Variants in FAM151A observed in about 807,000 individuals in gnomAD.
FAM151A encodes the protein protein FAM151A.
FAM151A carries 41 observed loss-of-function variants against 40.4 expected under a neutral mutation model. The observed-to-expected ratio is 1.01, with a 90% CI of 0.79 to 1.32. The LOEUF (loss-of-function observed/expected upper bound fraction) is 1.32. FAM151A is among the 40% of genes most tolerant of loss of function. FAM151A has a pLI of 0.00. For synonymous variants in FAM151A, 337 were observed against 312.5 expected, an observed-to-expected ratio of 1.08 and a Z score of -0.83; for missense variants, 740 against 740.4, an observed-to-expected ratio of 1.00 and a Z score of 0.01.
Position 54,623,177 on chromosome 1 carries a change from A to T in FAM151A, c.118+101T>A, listed in dbSNP as rs139262063. ...GGGCAACAAGAGCAAAACTCCGTCTAAAAAAAAAAAAGGGACTGGTCAGAG... is the reference window on the plus strand; with the variant it reads ...GGGCAACAAGAGCAAAACTCCGTCTTAAAAAAAAAAAGGGACTGGTCAGAG... On this transcript the variant is annotated intron_variant, in intron 1 of 7. Transcript: ENST00000302250. 4.7e-5 allele frequency: 9 copies of T among 189,504 alleles called. No individual in the cohort carries two copies. The South Asian group carries it at 5.5e-4, about 12-fold the overall frequency. The allele number at this position is 189,504 out of a possible 1,614,324, so 11.7% of individuals were successfully genotyped here.
At position 54,617,709 on chromosome 1, in the gene FAM151A, ATTTTTTTTTTTTTTTTTT is replaced by A. The variant is rs56229276; in HGVS notation, c.263-1555_263-1538del. Among the ~76,000 whole-genome samples, 311 of 55,800 alleles carry A rather than the reference ATTTTTTTTTTTTTTTTTT, an allele frequency of 5.6e-3. 4 individuals carry two copies. The highest frequency in any genetic ancestry group is 0.021 in the African/African-American group (285 of 13,778). 36.6% of individuals were successfully genotyped at this position (55,800 alleles called of 152,430 possible). The stretch of plus-strand genomic sequence containing the variant: ...CACTAGGTCTGCAGCAGGGCCTGAG[ATTTTTTTTTTTTTTTTTT>A]TTTTTTTTTTTTTTTTTATGAAGTC... On this transcript the variant is annotated intron_variant, in intron 2 of 7. Coordinates refer to ENST00000302250, the MANE Select transcript of FAM151A (RefSeq NM_176782.3).
rs1385573932 is a variant in FAM151A at position 54,612,678 on chromosome 1, T to G, written c.608A>C (p.Lys203Thr). The G allele has an allele frequency of 6.2e-7, 1 of 1,613,852 alleles. No homozygotes were observed. Among genetic ancestry groups the G allele is most frequent in the African/African-American group, 1.3e-5 (1 of 74,900 alleles). ...FLALVQEKYP[K>T]ATLSPGWTTF... ...GGTCCAGCCTGGAGATAGGGTAGCC[T>G]TGGGATACTTCTCCTGGACCAGGGC... The change falls in exon 5 of 8, where the codon AAG becomes ACG. Residue 203 changes from lysine (K) to threonine (T), a missense_variant. Lys to Thr is a moderately conservative substitution (Grantham distance 78). Coordinates refer to ENST00000302250, the MANE Select transcript of FAM151A (RefSeq NM_176782.3).
At chr1:54,623,207 A>G in intron 1 of FAM151A, 71 bp downstream of exon 1, 1 of 998,422 alleles carries the variant, frequency 1.0e-6, no homozygotes, top group Non-Finnish European at 1.6e-6. Context: ...TCAGAGCTGT[A>G]AGTGAGAAGT....
chr1:54,609,706 A>G lies in FAM151A; in HGVS notation c.1320T>C (p.Pro440=), dbSNP rs780550498. Residue 440 remains proline, a synonymous_variant, in exon 8 of 8, where the codon CCT becomes CCC. Coordinates refer to ENST00000302250, the MANE Select transcript of FAM151A (RefSeq NM_176782.3). ...RLSSLGLLHW[P]VWVGAKISHG... ...GGGAGATTTTGGCCCCAACCCACAC[A>G]GGCCAATGCAAGAGGCCAAGGCTGG... is the stretch of plus-strand genomic sequence containing the variant. 10 of 1,614,094 alleles carry G rather than the reference A, an allele frequency of 6.2e-6. No homozygotes were observed. The highest frequency in any genetic ancestry group is 8.5e-6 in the Non-Finnish European group (10 of 1,180,006).
chr1:54,617,610 T>C (rs1644186075), intron 2 of FAM151A, among the ~76,000 whole-genome samples: 1 of 151,004 alleles, frequency 6.6e-6, no homozygotes, highest in South Asian at 2.1e-4. Flanking sequence ...ATTCTCTGAG[T>C]TCCAGGCACC....
At chr1:54,619,763 C>T (rs1448687641) in intron 2 of FAM151A, 101 bp downstream of exon 2, 30 of 1,239,202 alleles carry the variant, frequency 2.4e-5, no homozygotes, top group Middle Eastern at 2.8e-4. Context: ...TGTAAACAGC[C>T]ATCATGCCAC....
chr1:54,614,712 A>G lies in FAM151A; in HGVS notation c.563T>C (p.Val188Ala). ...KGPNMLISTE[V>A]NATQFLALVQ... Reference sequence around the variant, plus strand: ...GGCGAACACTCACTGTGTGGCATTGACCTCAGTTGAGATGAGCATGTTGGG... The same window carrying G: ...GGCGAACACTCACTGTGTGGCATTGGCCTCAGTTGAGATGAGCATGTTGGG... The change falls in exon 4 of 8, where the codon GTC becomes GCC. Residue 188 changes from valine (V) to alanine (A), a missense_variant. Coordinates refer to ENST00000302250, the MANE Select transcript of FAM151A (RefSeq NM_176782.3). The G allele has an allele frequency of 2.5e-6, 4 of 1,613,110 alleles. No homozygotes were observed. Among genetic ancestry groups the G allele is most frequent in the Non-Finnish European group, 3.4e-6 (4 of 1,179,410 alleles).
chr1:54,619,956 A>G lies in FAM151A; in HGVS notation c.170T>C (p.Leu57Pro). 2 of 1,614,172 alleles carry G rather than the reference A, an allele frequency of 1.2e-6. No individual in the cohort carries two copies. The highest frequency in any genetic ancestry group is 1.7e-6 in the Non-Finnish European group (2 of 1,180,036). Reference sequence around the variant, plus strand: ...TCGCCGGCTGATCTGGCCCAGGCTCAGCAGGTAGTCCAGCATGTCGGCATC... The same window carrying G: ...TCGCCGGCTGATCTGGCCCAGGCTCGGCAGGTAGTCCAGCATGTCGGCATC... ...SPDADMLDYL[L>P]SLGQISRRDA... The change falls in exon 2 of 8, where the codon CTG becomes CCG. Residue 57 changes from leucine (L) to proline (P), a missense_variant. By Grantham distance (98) the Leu-to-Pro change is moderately conservative (BLOSUM62 -3). Coordinates refer to ENST00000302250, the MANE Select transcript of FAM151A (RefSeq NM_176782.3).
Position 54,612,601 on chromosome 1 carries a change from C to A in FAM151A, c.685G>T (p.Glu229Ter). The change falls in exon 5 of 8, where the codon GAG becomes TAG. Residue 229 changes from glutamate to a stop codon, truncating the protein, a stop_gained. Transcript: ENST00000302250. LOFTEE classifies it high-confidence loss of function. ...PNRTYTQAMV[E>*]KMHELVGGVP... is the part of the protein sequence containing the mutation. ...CCTCCCACCAGCTCGTGCATCTTCT[C>A]CACCATGGCTTGGGTGTACGTCCTG... 1.2e-6 allele frequency: 2 copies of A among 1,611,320 alleles called. No individual in the cohort carries two copies. The highest frequency in any genetic ancestry group is 2.2e-5 in the East Asian group (1 of 44,864).
chr1:54,622,017 T>C (rs1485169304), intron 1 of FAM151A, among the ~76,000 whole-genome samples: 1 of 152,172 alleles, frequency 6.6e-6, no homozygotes. Flanking sequence ...CTCATGCCTG[T>C]AATCCCAGCA....
intron 6 of FAM151A, chr1:54,611,040 C>T (rs1230133902): frequency 1.0e-6 from 1 of 981,360 alleles, no homozygotes; most frequent in Non-Finnish European, 1.2e-6. Flanking sequence ...TGCTGGTTTC[C>T]TACCTGCTGG....
chr1:54,621,464 A>G (rs1644229260), intron 1 of FAM151A: 1 of 152,176 alleles, frequency 6.6e-6, no homozygotes, highest in African/African-American at 2.4e-5. Context: ...CTCAAAATAA[A>G]TAAATAAATA....
intron 4 of FAM151A, among the ~76,000 whole-genome samples, chr1:54,613,628 GT>G (rs1013819001): frequency 1.3e-5 from 2 of 152,020 alleles, no homozygotes; most frequent in African/African-American, 4.8e-5. Flanking sequence ...AAATATTTTA[GT>G]TTTTTTCTTT....
At chr1:54,610,203 C>T (rs1369788520) in intron 7 of FAM151A, 6 of 1,435,328 alleles carry the variant, frequency 4.2e-6, no homozygotes, top group Non-Finnish European at 5.5e-6. Flanking sequence ...AGCAATGTAG[C>T]TGAGGACTGG....
At position 54,609,878 on chromosome 1, in the gene FAM151A, G is replaced by A; in HGVS notation, c.1148C>T (p.Pro383Leu). ...LEGTVAENPV[P>L]IVHTPSGNIL... ...GTTGCCACTTGGAGTATGAACAATG[G>A]GCACGGGGTTTTCAGCCACAGTTCC... The change falls in exon 8 of 8, where the codon CCC (proline) becomes CTC (leucine). Residue 383 changes from proline (P) to leucine (L), a missense_variant. Transcript: ENST00000302250. The A allele has an allele frequency of 6.2e-7, 1 of 1,613,450 alleles. No individual in the cohort carries two copies. Among genetic ancestry groups the A allele is most frequent in the Non-Finnish European group, 8.5e-7 (1 of 1,180,004 alleles).
chr1:54,621,206 C>T (rs1644227311), intron 1 of FAM151A, among the ~76,000 whole-genome samples: 1 of 151,166 alleles, frequency 6.6e-6, no homozygotes, highest in South Asian at 2.1e-4. Flanking sequence ...CCTGTAATCC[C>T]AGCACTTTGG....
At chr1:54,619,454 T>A (rs556376587) in intron 2 of FAM151A, among the ~76,000 whole-genome samples, 1 of 152,288 alleles carries the variant, frequency 6.6e-6, no homozygotes, top group East Asian at 1.9e-4. Flanking sequence ...TGAAACAGAT[T>A]GCATGGTAGT....
At chr1:54,621,241 G>C (rs1448389572) in intron 1 of FAM151A, among the ~76,000 whole-genome samples, 1 of 151,778 alleles carries the variant, frequency 6.6e-6, no homozygotes, top group Non-Finnish European at 1.5e-5. Context: ...CGGATCACCT[G>C]AGTTCAGGAG....
chr1:54,613,931 C>T (rs1644144473), intron 4 of FAM151A, among the ~76,000 whole-genome samples: 1 of 152,178 alleles, frequency 6.6e-6, no homozygotes, highest in Admixed American at 6.5e-5. Context: ...CAGACTTAGG[C>T]AGGTCTTTTA....
Sources: allele counts gnomAD v4.1 joint callset (sites outside exome capture counted in the v4.1 genomes callset), GRCh38; gene constraint gnomAD v4.1.1; transcripts MANE v1.5; gene names NCBI Gene and HGNC (gene_info 2026-07-23, HGNC 2026-07-21).